DNAH14: variants seen among roughly 807,000 people sequenced by gnomAD.
DNAH14 encodes the protein dynein axonemal heavy chain 14, also known as axonemal beta dynein heavy chain 14.
DNAH14 carries 478 observed loss-of-function variants against 520.9 expected under a neutral mutation model. The observed-to-expected ratio is 0.92, with a 90% confidence interval of 0.85 to 0.99. The LOEUF (loss-of-function observed/expected upper bound fraction) is 0.99, where lower values mean the gene tolerates loss of function less well. Ranked by LOEUF, DNAH14 falls within the 50% of genes least tolerant of loss-of-function variation. The pLI is 0.00. For synonymous variants in DNAH14, 1,581 were observed against 1,757.2 expected, an observed-to-expected ratio of 0.90 and a Z score of 2.51; for missense variants, 4,831 against 5,234.5, an observed-to-expected ratio of 0.92 and a Z score of 2.38.
intron 23 of DNAH14, among the ~76,000 whole-genome samples, chr1:225,111,033 T>C (rs2076434998): frequency 6.6e-6 from 1 of 152,174 alleles, no homozygotes; most frequent in Admixed American, 6.5e-5. Flanking sequence ...ACTTGTTTTG[T>C]GGCCTAACAT....
rs2095573966 is a variant in DNAH14 at position 225,367,987 on chromosome 1, A to G, written c.12273A>G (p.Ile4091Met). The G allele has an allele frequency of 1.9e-6, 3 of 1,550,972 alleles. No homozygotes were observed. The highest frequency in any genetic ancestry group is 3.9e-5 in the Admixed American group (2 of 50,998). Residue 4091 changes from isoleucine (I) to methionine (M), a missense_variant, in exon 77 of 86, where the codon ATA becomes ATG. Ile to Met is a conservative substitution (Grantham distance 10). Transcript: ENST00000682510. ...TCAATGAAAGAAAAAATTACGGAAT[A>G]TTGGGCTGGAATATTGCTTATAAAT... ...AVINERKNYG[I>M]LGWNIAYKFN...
In DNAH14 at chr1:224,967,945, G is replaced by A. The variant is rs80258464; in HGVS notation, c.651+362G>A. On this transcript the variant is annotated intron_variant, in intron 6 of 85. Transcript: ENST00000682510. ...TGGCACATTTGTCAGAAACTTTATT[G>A]CCAGATGTAGAAATCCCCCTTTTAC... 6.2e-5 allele frequency: 73 copies of A among 1,168,396 alleles called. No individual in the cohort carries two copies. In the African/African-American group the frequency reaches 1.1e-3, roughly 18 times the overall value. 72.4% of individuals were successfully genotyped at this position (1,168,396 alleles called of 1,614,324 possible). A position where few individuals can be genotyped will look rare whatever the true frequency, so the allele number is the denominator to read the frequency against.
intron 66 of DNAH14, among the ~76,000 whole-genome samples, chr1:225,334,967 CAA>C (rs1491093932): frequency 8.5e-4 from 128 of 149,942 alleles, no homozygotes; most frequent in Admixed American, 2.9e-3. Context: ...AAGCAATCCT[CAA>C]GTTATAAGAC....
intron 11 of DNAH14, among the ~76,000 whole-genome samples, chr1:225,032,946 TG>T (rs2066644434): frequency 6.6e-6 from 1 of 150,922 alleles, no homozygotes; most frequent in Non-Finnish European, 1.5e-5. Context: ...CTTGTAAATT[TG>T]TTTAAGTTCC....
intron 41 of DNAH14, among the ~76,000 whole-genome samples, chr1:225,228,217 G>C (rs572140004): frequency 2.0e-5 from 3 of 152,302 alleles, no homozygotes; most frequent in South Asian, 2.1e-4. Context: ...AGTACAAATA[G>C]CTACCTTTAT....
chr1:225,185,820 G>A (rs967216103), intron 37 of DNAH14, among the ~76,000 whole-genome samples: 2 of 150,910 alleles, frequency 1.3e-5, no homozygotes, highest in Non-Finnish European at 1.5e-5. Flanking sequence ...AATGTTAACT[G>A]TAATATTTCT....
At chr1:225,225,980 C>G (rs1201189832) in intron 41 of DNAH14, among the ~76,000 whole-genome samples, 4 of 152,160 alleles carry the variant, frequency 2.6e-5, no homozygotes, top group Non-Finnish European at 5.9e-5. Flanking sequence ...GAAGACAGCT[C>G]AGGAGGCTGA....
intron 43 of DNAH14, among the ~76,000 whole-genome samples, chr1:225,246,056 T>G (rs558179089): frequency 5.1e-4 from 67 of 131,016 alleles, no homozygotes; most frequent in African/African-American, 1.9e-3. Flanking sequence ...ACAGAGGCCT[T>G]AGAAATAACA....
intron 7 of DNAH14, 109 bp downstream of exon 7, chr1:224,968,983 C>T (rs765360458): frequency 2.1e-4 from 145 of 680,538 alleles, no homozygotes; most frequent in Admixed American, 8.0e-5. Flanking sequence ...GAAAATAGTA[C>T]TAATTCTTTT....
chr1:225,221,355 T>G lies in DNAH14; in HGVS notation c.6440-9718T>G, dbSNP rs2090036638. Among the ~76,000 whole-genome samples, 3 of 152,268 alleles carry G rather than the reference T, an allele frequency of 2.0e-5. No homozygotes were observed. In the South Asian group the frequency reaches 6.2e-4, roughly 32 times the overall value. On this transcript the variant is annotated intron_variant, in intron 41 of 85. Transcript: ENST00000682510. ...TTCTGCACAGCAAAAGAAACTATCATCAGAGTCAACAGGCAACCTACAGAT... is the reference window on the plus strand; with the variant it reads ...TTCTGCACAGCAAAAGAAACTATCAGCAGAGTCAACAGGCAACCTACAGAT...
intron 37 of DNAH14, among the ~76,000 whole-genome samples, chr1:225,185,745 C>G (rs2084623361): frequency 6.6e-6 from 1 of 151,466 alleles, no homozygotes; most frequent in Non-Finnish European, 1.5e-5. Flanking sequence ...ATTTATATAA[C>G]TTCTCTTCTT....
intron 41 of DNAH14, among the ~76,000 whole-genome samples, chr1:225,229,261 C>T (rs964344341): frequency 2.6e-5 from 4 of 152,070 alleles, no homozygotes; most frequent in Non-Finnish European, 5.9e-5. Context: ...GTCTTTGGGA[C>T]AGACTCAGCA....
chr1:225,122,126 A>T (rs986753216), intron 26 of DNAH14, among the ~76,000 whole-genome samples: 3 of 152,086 alleles, frequency 2.0e-5, no homozygotes, highest in African/African-American at 4.8e-5. Context: ...AATTATTTTA[A>T]AGTTTTCTTC....
intron 23 of DNAH14, among the ~76,000 whole-genome samples, chr1:225,117,369 AATTATT>A (rs574536078): frequency 2.0e-5 from 3 of 150,370 alleles, no homozygotes; most frequent in Non-Finnish European, 4.4e-5. Context: ...TAATAATAAT[AATTATT>A]ATTATTATTG....
chr1:225,289,578 T>C (rs2149988256), intron 54 of DNAH14, among the ~76,000 whole-genome samples: 1 of 152,218 alleles, frequency 6.6e-6, no homozygotes, highest in Non-Finnish European at 1.5e-5. Flanking sequence ...ATATTGACAG[T>C]GACATGAAGA....
intron 81 of DNAH14, among the ~76,000 whole-genome samples, chr1:225,385,124 A>C (rs2095825414): frequency 6.6e-6 from 1 of 152,244 alleles, no homozygotes; most frequent in Non-Finnish European, 1.5e-5. Flanking sequence ...CCAAAGACAA[A>C]AACAACATGA....
At chr1:225,160,125 A>G (rs2081382946) in intron 35 of DNAH14, among the ~76,000 whole-genome samples, 1 of 152,150 alleles carries the variant, frequency 6.6e-6, no homozygotes, top group African/African-American at 2.4e-5. Flanking sequence ...TTAACATATA[A>G]TGCCCTTCAC....
Position 225,063,584 on chromosome 1 carries a change from G to A in DNAH14, c.2424+11789G>A, listed in dbSNP as rs200353595. ...TGAAATAATAGAAATAGAATCAATTGCAAAGGAAGCACAGGGATGAAAGAA... is the reference window on the plus strand; with the variant it reads ...TGAAATAATAGAAATAGAATCAATTACAAAGGAAGCACAGGGATGAAAGAA... On this transcript the variant is annotated intron_variant, in intron 17 of 85. Transcript: ENST00000682510. Among the ~76,000 whole-genome samples the A allele has an allele frequency of 7.9e-5, 12 of 152,120 alleles. No homozygotes were observed. In the East Asian group the frequency reaches 2.3e-3, roughly 29 times the overall value.
At chr1:225,241,679 G>A (rs1176923303) in intron 43 of DNAH14, among the ~76,000 whole-genome samples, 2 of 152,092 alleles carry the variant, frequency 1.3e-5, no homozygotes, top group African/African-American at 2.4e-5. Flanking sequence ...AATACTGTAG[G>A]CAATTGTAAC....
Sources: allele counts gnomAD v4.1 joint callset (sites outside exome capture counted in the v4.1 genomes callset), GRCh38; gene constraint gnomAD v4.1.1; transcripts MANE v1.5; gene names NCBI Gene and HGNC (gene_info 2026-07-23, HGNC 2026-07-21).